Variants in ROCK1 observed in about 807,000 individuals in gnomAD.
ROCK1 encodes rho-associated protein kinase 1.
In ROCK1, 36 loss-of-function variants were observed where a neutral mutation model predicts 196.8. The ratio of observed to expected loss-of-function variants is 0.18; its 90% CI spans 0.14 to 0.24. The LOEUF is 0.24. Among genes scored for constraint, ROCK1 ranks in the 10% least tolerant of loss-of-function variants. The pLI, the probability that ROCK1 is intolerant of heterozygous loss-of-function variation, is 1.00. For missense variants in ROCK1, 920 were observed against 1,562.0 expected (o/e 0.59, Z 6.93); for synonymous variants, 443 against 515.9 (o/e 0.86, Z 1.91).
chr18:21,003,619 G>A (rs2035745037), intron 16 of ROCK1, among the ~76,000 whole-genome samples: 1 of 152,124 alleles, frequency 6.6e-6, no homozygotes, highest in African/African-American at 2.4e-5. Context: ...CAGTGTCAGA[G>A]GATTGGGAAG....
intron 21 of ROCK1, among the ~76,000 whole-genome samples, chr18:20,982,498 C>T (rs1218580412): frequency 1.3e-5 from 2 of 152,242 alleles, no homozygotes; most frequent in South Asian, 2.1e-4. Flanking sequence ...GTGATCCACT[C>T]GCCTCGGCCT....
chr18:20,970,576 A>T, intron 22 of ROCK1, 63 bp from the exon 23 acceptor site: 1 of 1,105,238 alleles, frequency 9.0e-7, no homozygotes, highest in Non-Finnish European at 1.3e-6. Context: ...CAACTTAATC[A>T]TATTCTTAAA....
intron 1 of ROCK1, among the ~76,000 whole-genome samples, chr18:21,082,273 C>T (rs542209857): frequency 6.6e-6 from 1 of 152,192 alleles, no homozygotes; most frequent in East Asian, 1.9e-4. Flanking sequence ...AGAATTAACA[C>T]GAATCCTTTT....
intron 2 of ROCK1, among the ~76,000 whole-genome samples, chr18:21,055,807 T>A (rs1358125270): frequency 6.6e-6 from 1 of 152,200 alleles, no homozygotes; most frequent in Non-Finnish European, 1.5e-5. Flanking sequence ...TTGTCTATAA[T>A]TTCTGTGACT....
At chr18:21,023,960 T>C (rs1640964574) in intron 10 of ROCK1, among the ~76,000 whole-genome samples, 1 of 152,142 alleles carries the variant, frequency 6.6e-6, no homozygotes, top group Non-Finnish European at 1.5e-5. Context: ...GTAGGATAAA[T>C]AAAAACCATA....
intron 2 of ROCK1, among the ~76,000 whole-genome samples, chr18:21,068,006 T>C (rs2036351898): frequency 6.6e-6 from 1 of 152,242 alleles, no homozygotes; most frequent in Admixed American, 6.5e-5. Context: ...GCAACTATTT[T>C]TTCCCAGCCT....
At chr18:21,043,946 G>C (rs980019265) in intron 6 of ROCK1, among the ~76,000 whole-genome samples, 156 bp downstream of exon 6, 1 of 151,968 alleles carries the variant, frequency 6.6e-6, no homozygotes, top group Admixed American at 6.6e-5. Flanking sequence ...TGAAACCATG[G>C]TATCTAGTTC....
intron 9 of ROCK1, among the ~76,000 whole-genome samples, chr18:21,036,081 CAA>C (rs1336622781): frequency 6.6e-6 from 1 of 152,172 alleles, no homozygotes; most frequent in Non-Finnish European, 1.5e-5. Context: ...TATCACAATA[CAA>C]AGAGATAACT....
chr18:21,026,228 T>G (rs1302908459), intron 10 of ROCK1, among the ~76,000 whole-genome samples: 1 of 152,052 alleles, frequency 6.6e-6, no homozygotes, highest in African/African-American at 2.4e-5. Flanking sequence ...GCGGATCACC[T>G]GAGGTCGGGA....
intron 1 of ROCK1, among the ~76,000 whole-genome samples, chr18:21,107,187 T>A (rs540792910): frequency 6.6e-6 from 1 of 152,232 alleles, no homozygotes; most frequent in Non-Finnish European, 1.5e-5. Context: ...TTTCCACTTA[T>A]GGCGTCATGT....
chr18:20,976,677 T>C (rs1003600990), intron 22 of ROCK1, among the ~76,000 whole-genome samples: 8 of 152,222 alleles, frequency 5.3e-5, no homozygotes, highest in African/African-American at 1.9e-4. Flanking sequence ...CAGATCTCTA[T>C]ATTAGTGGTT....
intron 29 of ROCK1, among the ~76,000 whole-genome samples, chr18:20,959,357 G>A (rs1232944537): frequency 1.1e-4 from 16 of 146,916 alleles, no homozygotes; most frequent in African/African-American, 3.5e-4. Context: ...GACTACAGGC[G>A]CCTGCCACCA....
intron 18 of ROCK1, among the ~76,000 whole-genome samples, chr18:20,990,693 C>CAAAAAAAAAAA (rs1170099682): frequency 1.3e-4 from 3 of 22,584 alleles, no homozygotes; most frequent in African/African-American, 3.2e-4. Flanking sequence ...AACTTCGTCT[C>CAAAAAAAAAAA]AAAAAAAAAA....
chr18:20,997,298 A>G (rs766224958), intron 16 of ROCK1, among the ~76,000 whole-genome samples: 16 of 152,246 alleles, frequency 1.1e-4, no homozygotes, highest in Non-Finnish European at 1.8e-4. Flanking sequence ...CAGATATTCC[A>G]TGCCAATTAA....
At chr18:20,968,025 C>G (rs2035390325) in intron 25 of ROCK1, 85 bp from the exon 26 acceptor site, 5 of 1,209,250 alleles carry the variant, frequency 4.1e-6, no homozygotes, top group Non-Finnish European at 1.1e-6. Flanking sequence ...AATCAGGAAG[C>G]AGGACTTTCT....
chr18:21,061,721 G>T (rs537791473), intron 2 of ROCK1, among the ~76,000 whole-genome samples: 1 of 152,226 alleles, frequency 6.6e-6, no homozygotes, highest in Non-Finnish European at 1.5e-5. Flanking sequence ...TGAGGGAAAA[G>T]AAGCTGAACT....
intron 29 of ROCK1, among the ~76,000 whole-genome samples, chr18:20,959,094 AT>A (rs2035291008): frequency 4.4e-5 from 2 of 45,054 alleles, no homozygotes; most frequent in East Asian, 7.2e-4. Context: ...ATTTTATATA[AT>A]ATATATATTA....
chr18:21,053,480 T>A (rs1242406252), intron 2 of ROCK1, among the ~76,000 whole-genome samples: 2 of 152,102 alleles, frequency 1.3e-5, no homozygotes. Flanking sequence ...TTGCATAATT[T>A]AAAAAAATGC....
At chr18:21,044,221 A>G in intron 5 of ROCK1, 35 bp from the exon 6 acceptor site, 2 of 1,488,196 alleles carry the variant, frequency 1.3e-6, no homozygotes, top group Non-Finnish European at 1.9e-6. Context: ...GTATTTTCTG[A>G]AACAGATTAG....
Sources: allele counts gnomAD v4.1 joint callset (sites outside exome capture counted in the v4.1 genomes callset), GRCh38; gene constraint gnomAD v4.1.1; transcripts MANE v1.5; gene names NCBI Gene and HGNC (gene_info 2026-07-23, HGNC 2026-07-21).